Variants in CDC42BPB observed in about 807,000 individuals in gnomAD.
The protein encoded by CDC42BPB is serine/threonine-protein kinase MRCK beta.
CDC42BPB carries 37 observed loss-of-function variants against 214.9 expected under a neutral mutation model. The observed-to-expected ratio is 0.17, with a 90% CI of 0.13 to 0.23. The LOEUF (loss-of-function observed/expected upper bound fraction) is 0.23, where lower values mean the gene tolerates loss of function less well. Among genes scored for constraint, CDC42BPB ranks in the 10% least tolerant of loss-of-function variants. The pLI is 1.00. For missense variants in CDC42BPB, 1,694 were observed against 2,227.0 expected, an observed-to-expected ratio of 0.76 and a Z score of 4.82; for synonymous variants, 931 against 884.0, an observed-to-expected ratio of 1.05 and a Z score of -0.94.
Position 102,999,492 on chromosome 14 carries a change from G to A in CDC42BPB, c.596+73C>T. ...CTACATGGCTTCTTGGGACGGCCTGGACTTGGGAGCTCTGAAAGGAGTCTT... is the reference window on the plus strand; with the variant it reads ...CTACATGGCTTCTTGGGACGGCCTGAACTTGGGAGCTCTGAAAGGAGTCTT... On this transcript the variant is annotated intron_variant, in intron 5 of 36. Transcript: ENST00000361246. 12 of 1,511,204 alleles carry A rather than the reference G, an allele frequency of 7.9e-6. No individual in the cohort carries two copies. In the South Asian group the frequency reaches 1.3e-4, roughly 16 times the overall value. 93.6% of individuals were successfully genotyped at this position (1,511,204 alleles called of 1,614,324 possible). A position where few individuals can be genotyped will look rare whatever the true frequency, so the allele number is the denominator to read the frequency against.
chr14:103,041,067 A>G (rs191081345), intron 1 of CDC42BPB, among the ~76,000 whole-genome samples: 5 of 152,378 alleles, frequency 3.3e-5, no homozygotes, highest in Admixed American at 6.5e-5. Context: ...TGGTACTGGC[A>G]TAAGAAGAGA....
chr14:102,942,727 C>T (rs970716966), intron 30 of CDC42BPB, among the ~76,000 whole-genome samples: 2 of 146,360 alleles, frequency 1.4e-5, no homozygotes, highest in Admixed American at 6.8e-5. Context: ...TTGTTTGAGA[C>T]GGAGTCCTGC....
chr14:102,959,812 A>T, intron 20 of CDC42BPB, 102 bp from the exon 21 acceptor site: 1 of 1,322,864 alleles, frequency 7.6e-7, no homozygotes, highest in Non-Finnish European at 9.9e-7. Flanking sequence ...TCCTTGAGTA[A>T]CTGATACATC....
At chr14:102,942,139 G>A (rs949868879) in intron 30 of CDC42BPB, among the ~76,000 whole-genome samples, 2 of 144,284 alleles carry the variant, frequency 1.4e-5, no homozygotes, top group Non-Finnish European at 3.2e-5. Flanking sequence ...CAGGGTGTTG[G>A]GGGGTAAGAG....
chr14:103,042,020 C>T, intron 1 of CDC42BPB: 1 of 240,760 alleles, frequency 4.2e-6, no homozygotes, highest in Non-Finnish European at 8.8e-6. Flanking sequence ...ATGGTCCATG[C>T]TGACGCCCGG....
At position 103,001,571 on chromosome 14, in the gene CDC42BPB, A is replaced by G. The variant is rs548791191; in HGVS notation, c.448-1858T>C. On this transcript the variant is annotated intron_variant, in intron 4 of 36. Transcript: ENST00000361246. The surrounding 1 kb of genome is among the most constrained non-coding windows in gnomAD (Gnocchi z 5.8). ...GCCACAGTGGGGGCTGCAGCCCCAC[A>G]CTCAGAGCAGTGAGTGGGTGATGTT... 6.6e-6 allele frequency among the ~76,000 whole-genome samples: 1 copy of G among 152,254 alleles called. No individual in the cohort carries two copies. Among genetic ancestry groups the G allele is most frequent in the African/African-American group, 2.4e-5 (1 of 41,550 alleles).
At chr14:103,049,195 G>A (rs1888468080) in intron 1 of CDC42BPB, among the ~76,000 whole-genome samples, 1 of 152,230 alleles carries the variant, frequency 6.6e-6, no homozygotes, top group Admixed American at 6.5e-5. Context: ...AGCAGTACCA[G>A]CATGCTACAC....
intron 1 of CDC42BPB, among the ~76,000 whole-genome samples, chr14:103,032,232 G>A (rs1887421390): frequency 6.6e-6 from 1 of 152,088 alleles, no homozygotes; most frequent in Non-Finnish European, 1.5e-5. Flanking sequence ...GGAGAAGGGA[G>A]GTAATAACGC....
In CDC42BPB at chr14:102,959,619, AC is replaced by A. The variant is rs1413013944; in HGVS notation, c.2901+11del. The A allele has an allele frequency of 4.5e-6, 7 of 1,570,340 alleles. No individual in the cohort carries two copies. Among genetic ancestry groups the A allele is most frequent in the African/African-American group, 2.7e-5 (2 of 73,368 alleles). The stretch of plus-strand genomic sequence containing the variant: ...AACTCATCTGTCACTTAAAAAAAAA[AC>A]AATGACTTACTCTAAATGTCAGGTC... On this transcript the variant is annotated intron_variant, in intron 21 of 36. Coordinates refer to ENST00000361246, the MANE Select transcript of CDC42BPB (RefSeq NM_006035.4).
rs1385950616 is a variant in CDC42BPB, at chr14:102,944,451, T to C, written c.3848A>G (p.Gln1283Arg). The C allele has an allele frequency of 2.2e-5, 36 of 1,612,908 alleles. No homozygotes were observed. Among genetic ancestry groups the C allele is most frequent in the Non-Finnish European group, 3.0e-5 (35 of 1,179,982 alleles). The change falls in exon 30 of 37, where the codon CAG (glutamine) becomes CGG (arginine). Residue 1283 changes from glutamine to arginine, a missense_variant. Gln to Arg is a conservative substitution (Grantham distance 43). Transcript: ENST00000361246. The surrounding 1 kb of genome is among the most constrained non-coding windows in gnomAD (Gnocchi z 6.6). ...CTTCTCCCTGGGAGCAAGCTCGATC[T>C]GGTGTACCTTCTTACAGTCAGCGGC... ...VRAADCKKVH[Q>R]IELAPREKIV...
At chr14:102,939,764 G>GT (rs1222491605) in intron 33 of CDC42BPB, 37 bp from the exon 34 acceptor site, 1 of 1,614,028 alleles carries the variant, frequency 6.2e-7, no homozygotes, top group Admixed American at 1.7e-5. Flanking sequence ...TCATGGATAC[G>GT]TGAGAATCCT....
At chr14:102,969,201 G>A (rs1020489082) in intron 14 of CDC42BPB, among the ~76,000 whole-genome samples, 1 of 152,252 alleles carries the variant, frequency 6.6e-6, no homozygotes, top group African/African-American at 2.4e-5. Flanking sequence ...GTCAGGCTAG[G>A]GGCAAAGAAC....
Position 103,033,985 on chromosome 14 carries a change from C to T in CDC42BPB, c.176-21797G>A, listed in dbSNP as rs777673333. 2.6e-5 allele frequency among the ~76,000 whole-genome samples: 4 copies of T among 152,300 alleles called. No individual in the cohort carries two copies. In the South Asian group the frequency reaches 8.3e-4, roughly 32 times the overall value. On this transcript the variant is annotated intron_variant, in intron 1 of 36. Coordinates refer to ENST00000361246, the MANE Select transcript of CDC42BPB (RefSeq NM_006035.4). Reference sequence around the variant, plus strand: ...TTTATGAGCTGATAAAACTTCTGTACGGATTCTACAAAGCTGCCATGGCAA... The same window carrying T: ...TTTATGAGCTGATAAAACTTCTGTATGGATTCTACAAAGCTGCCATGGCAA...
Position 102,980,788 on chromosome 14 carries a change from G to A in CDC42BPB, c.1125C>T (p.Asp375=), listed in dbSNP as rs750488681. ...TCACACTCACCGTGTTTCTCAGCAC[G>A]TCGTCATCCACGTCGAAGTTGGATG... is the stretch of plus-strand genomic sequence containing the variant. ...SDTSNFDVDD[D]VLRNTEILPP... Residue 375 remains aspartate, a synonymous_variant, in exon 8 of 37, where the codon GAC becomes GAT. Coordinates refer to ENST00000361246, the MANE Select transcript of CDC42BPB (RefSeq NM_006035.4). 5 of 1,614,110 alleles carry A rather than the reference G, an allele frequency of 3.1e-6. No homozygotes were observed. Among genetic ancestry groups the A allele is most frequent in the East Asian group, 2.2e-5 (1 of 44,882 alleles).
At chr14:102,954,851 C>A (rs1262450598) in intron 21 of CDC42BPB, 163 bp from the exon 22 acceptor site, 2 of 983,502 alleles carry the variant, frequency 2.0e-6, no homozygotes, top group Non-Finnish European at 2.4e-6. Context: ...CCTCACAGAC[C>A]CCTGCTCCAC....
At chr14:103,035,578 T>C (rs144734206) in intron 1 of CDC42BPB, among the ~76,000 whole-genome samples, 1,834 of 151,886 alleles carry the variant, frequency 0.012, 18 homozygotes, top group Non-Finnish European at 0.018. Context: ...CGGTGGCTCA[T>C]GCCGGTAATC....
intron 1 of CDC42BPB, among the ~76,000 whole-genome samples, chr14:103,056,206 A>G (rs1368764109): frequency 6.6e-6 from 1 of 152,224 alleles, no homozygotes; most frequent in Non-Finnish European, 1.5e-5. Context: ...CAGATGAGAA[A>G]GTTTCTAAGT....
Position 102,974,281 on chromosome 14 carries a change from T to TACACACACACACACACACAC in CDC42BPB, c.1508-152_1508-133dup, listed in dbSNP as rs71119749. 10 of 1,316,162 alleles carry TACACACACACACACACACAC rather than the reference T, an allele frequency of 7.6e-6. No individual in the cohort carries two copies. The African/African-American group carries it at 9.8e-5, about 13-fold the overall frequency. 81.5% of individuals were successfully genotyped at this position (1,316,162 alleles called of 1,614,324 possible). A position where few individuals can be genotyped will look rare whatever the true frequency, so the allele number is the denominator to read the frequency against. On this transcript the variant is annotated intron_variant, in intron 11 of 36. Transcript: ENST00000361246. Reference sequence around the variant, plus strand: ...TTTTTCATTCAGAGGTTTTTTTACTTACACACACACACACACACACACACA... The same window carrying TACACACACACACACACACAC: ...TTTTTCATTCAGAGGTTTTTTTACTTACACACACACACACACACACACACACACACACACACACACACACA...
intron 36 of CDC42BPB, chr14:102,934,061 C>T (rs1163460596): frequency 7.6e-7 from 1 of 1,313,516 alleles, no homozygotes; most frequent in East Asian, 3.2e-5. Flanking sequence ...TCAAAAATAA[C>T]ATGGTAATTA....
Sources: allele counts gnomAD v4.1 joint callset (sites outside exome capture counted in the v4.1 genomes callset), GRCh38; gene constraint gnomAD v4.1.1; non-coding constraint Gnocchi (gnomAD v3.1); transcripts MANE v1.5; gene names NCBI Gene and HGNC (gene_info 2026-07-23, HGNC 2026-07-21).